PIP5K1A: variants seen among roughly 807,000 people sequenced by gnomAD.
The protein encoded by PIP5K1A is phosphatidylinositol-4-phosphate 5-kinase type 1 alpha.
A neutral mutation model predicts 72.9 loss-of-function variants in PIP5K1A; 46 were observed. That is an observed-to-expected ratio of 0.63 (90% CI 0.50 to 0.81). The LOEUF is 0.81. PIP5K1A is among the 30% of genes least tolerant of loss of function. The probability of loss-of-function intolerance (pLI) is 0.00; values close to 1 mark genes in which losing one functional copy is unlikely to be tolerated. For missense variants in PIP5K1A, 458 were observed against 706.1 expected (o/e 0.65, Z 3.98); for synonymous variants, 228 against 255.1 (o/e 0.89, Z 1.01).
intron 5 of PIP5K1A, 88 bp downstream of exon 5, chr1:151,231,889 AT>A: frequency 8.3e-7 from 1 of 1,201,654 alleles, no homozygotes; most frequent in South Asian, 1.3e-5. Flanking sequence ...AGGTCGGACA[AT>A]TTAGACATGT....
Position 151,239,968 on chromosome 1 carries a change from T to C in PIP5K1A, c.1292T>C (p.Val431Ala), listed in dbSNP as rs920118931. 1 of 1,612,382 alleles carries C rather than the reference T, an allele frequency of 6.2e-7. No homozygotes were observed. Among genetic ancestry groups the C allele is most frequent in the Non-Finnish European group, 8.5e-7 (1 of 1,178,660 alleles). ...ALVHDGDTVS[V>A]HRPGFYAERF... The stretch of plus-strand genomic sequence containing the variant: ...TCTGCTCTGCAGGACACTGTCTCAG[T>C]GCATCGCCCAGGCTTCTACGCTGAA... The change falls in exon 12 of 16, where the codon GTG (valine) becomes GCG (alanine). Residue 431 changes from valine (V) to alanine (A), a missense_variant. Val to Ala is a moderately conservative substitution (Grantham distance 64, BLOSUM62 0). Around this residue, in one of 3 missense-constraint regions of PIP5K1A, gnomAD observed 157 missense variants for 175.5 expected, o/e 0.89. Transcript: ENST00000368888.
chr1:151,202,328 C>T (rs368775535), intron 1 of PIP5K1A, among the ~76,000 whole-genome samples: 2 of 152,180 alleles, frequency 1.3e-5, no homozygotes, highest in Non-Finnish European at 2.9e-5. Context: ...GTGGTTGACA[C>T]GCACACTTCT....
At chr1:151,235,657 C>T (rs1690745859) in intron 8 of PIP5K1A, among the ~76,000 whole-genome samples, 1 of 152,170 alleles carries the variant, frequency 6.6e-6, no homozygotes, top group Non-Finnish European at 1.5e-5. Context: ...TTTACCAGAA[C>T]CTCATTGTGG....
At chr1:151,196,980 C>A (rs1684608801), upstream of PIP5K1A, among the ~76,000 whole-genome samples, 1 of 151,594 alleles carries the variant, frequency 6.6e-6, no homozygotes, top group Admixed American at 6.6e-5. Context: ...CCTGCCTCAG[C>A]CTCCCGAGTA....
intron 10 of PIP5K1A, among the ~76,000 whole-genome samples, 153 bp from the exon 11 acceptor site, chr1:151,238,977 G>A (rs1691268569): frequency 6.6e-6 from 1 of 152,192 alleles, no homozygotes; most frequent in Non-Finnish European, 1.5e-5. Context: ...TGCCATGCCT[G>A]TTCTTGGGAA....
At chr1:151,247,773 G>A in intron 15 of PIP5K1A, 90 bp from the exon 16 acceptor site, 1 of 1,112,000 alleles carries the variant, frequency 9.0e-7, no homozygotes, top group Non-Finnish European at 1.3e-6. Flanking sequence ...CTTGGAGGCT[G>A]AGGCTGAAAT....
At chr1:151,244,905 A>T (rs1289538495) in intron 14 of PIP5K1A, among the ~76,000 whole-genome samples, 1 of 149,474 alleles carries the variant, frequency 6.7e-6, no homozygotes, top group African/African-American at 2.5e-5. Flanking sequence ...TTTTCTTGGC[A>T]GTGCTCTGGA....
In PIP5K1A at chr1:151,198,928, TC is replaced by T; in HGVS notation, c.-68del. ...TTCTGTAAAGAGACGTTGGGAAGAT[TC>T]GATTCCGAGAAGAGGAAGAACCGGA... is the stretch of plus-strand genomic sequence containing the variant. On this transcript the variant is annotated 5_prime_UTR_variant, in exon 1 of 16. Transcript: ENST00000368888. The T allele has an allele frequency of 6.9e-7, 1 of 1,456,778 alleles. No individual in the cohort carries two copies. The highest frequency in any genetic ancestry group is 9.6e-7 in the Non-Finnish European group (1 of 1,041,460). 90.2% of individuals were successfully genotyped at this position (1,456,778 alleles called of 1,614,324 possible). A position where few individuals can be genotyped will look rare whatever the true frequency, so the allele number is the denominator to read the frequency against.
chr1:151,219,557 T>C (rs1268610636), intron 1 of PIP5K1A, among the ~76,000 whole-genome samples: 2 of 144,356 alleles, frequency 1.4e-5, no homozygotes, highest in Admixed American at 6.9e-5. Flanking sequence ...AGCTGGGTGT[T>C]GTGGTGCGTG....
rs1692807307 is a variant in PIP5K1A, at chr1:151,248,567, C to A, written c.*702C>A. 6.6e-6 allele frequency: 1 copy of A among 152,550 alleles called. No individual in the cohort carries two copies. The highest frequency in any genetic ancestry group is 2.1e-4 in the South Asian group (1 of 4,826). The allele number at this position is 152,550 out of a possible 1,614,324, so 9.4% of individuals were successfully genotyped here. On this transcript the variant is annotated 3_prime_UTR_variant, in exon 16 of 16. Coordinates refer to ENST00000368888, the MANE Select transcript of PIP5K1A (RefSeq NM_001135638.2). The stretch of plus-strand genomic sequence containing the variant: ...CTGCCAGAAGCAGCTCCTCTTTAAA[C>A]TCCTCCTCTCTTGATGAATTTCTTA...
At chr1:151,225,618 C>A (rs587759519) in intron 3 of PIP5K1A, among the ~76,000 whole-genome samples, 3 of 151,544 alleles carry the variant, frequency 2.0e-5, no homozygotes, top group Non-Finnish European at 2.9e-5. Context: ...TACAGGTGCA[C>A]GCCACCATGC....
In PIP5K1A at chr1:151,231,813, A is replaced by G. The variant is rs1172147996; in HGVS notation, c.368+12A>G. ...ATCTTCTTTCCCAGGTACAGAGTTTAATGTTCAGGAGCATGTCCTGGAAAT... is the reference window on the plus strand; with the variant it reads ...ATCTTCTTTCCCAGGTACAGAGTTTGATGTTCAGGAGCATGTCCTGGAAAT... On this transcript the variant is annotated intron_variant, in intron 5 of 15. Transcript: ENST00000368888. 4.3e-6 allele frequency: 7 copies of G among 1,613,644 alleles called. No individual in the cohort carries two copies. The highest frequency in any genetic ancestry group is 5.9e-6 in the Non-Finnish European group (7 of 1,179,626).
intron 1 of PIP5K1A, among the ~76,000 whole-genome samples, chr1:151,221,759 T>C (rs985835660): frequency 1.3e-5 from 2 of 152,222 alleles, no homozygotes; most frequent in African/African-American, 4.8e-5. Flanking sequence ...TAGGGATGAA[T>C]CTCATTCTCT....
At chr1:151,202,000 T>C (rs1196567555) in intron 1 of PIP5K1A, among the ~76,000 whole-genome samples, 1 of 152,254 alleles carries the variant, frequency 6.6e-6, no homozygotes, top group African/African-American at 2.4e-5. Flanking sequence ...TTAGAGCTTA[T>C]GGTTTGCTTT....
chr1:151,231,456 CTG>C lies in PIP5K1A; in HGVS notation c.238-213_238-212del. On this transcript the variant is annotated intron_variant, in intron 4 of 15. Coordinates refer to ENST00000368888, the MANE Select transcript of PIP5K1A (RefSeq NM_001135638.2). ...CTCAGAGAGTCCCAGCTTTGCTACTCTGTATCCTCACTGTCCTTCCAATCTTT... is the reference window on the plus strand; with the variant it reads ...CTCAGAGAGTCCCAGCTTTGCTACTCTATCCTCACTGTCCTTCCAATCTTT... Among the ~76,000 whole-genome samples, 4 of 152,248 alleles carry C rather than the reference CTG, an allele frequency of 2.6e-5. No homozygotes were observed. The East Asian group carries it at 7.7e-4, about 29-fold the overall frequency.
rs192629983 is a variant in PIP5K1A at position 151,219,455 on chromosome 1, G to A, written c.86-4790G>A. On this transcript the variant is annotated intron_variant, in intron 1 of 15. Transcript: ENST00000368888. The stretch of plus-strand genomic sequence containing the variant: ...TAATCCCAGCACTTTGGGAGGCTGA[G>A]GCGGGCGGGTCATCTGCAGTCAGGA... 5.7e-3 allele frequency among the ~76,000 whole-genome samples: 870 copies of A among 151,990 alleles called. 9 individuals are homozygous for A. Among genetic ancestry groups the A allele is most frequent in the African/African-American group, 0.02 (813 of 41,454 alleles).
At chr1:151,237,148 G>A (rs983193958) in intron 9 of PIP5K1A, among the ~76,000 whole-genome samples, 1 of 152,046 alleles carries the variant, frequency 6.6e-6, no homozygotes, top group Non-Finnish European at 1.5e-5. Context: ...TTTTCTTTAG[G>A]AAGGGACCCA....
chr1:151,198,885 T>G lies in PIP5K1A; in HGVS notation c.-112T>G, dbSNP rs1572108839. On this transcript the variant is annotated 5_prime_UTR_variant, in exon 1 of 16. Coordinates refer to ENST00000368888, the MANE Select transcript of PIP5K1A (RefSeq NM_001135638.2). ...GGAGGCCCCGGAGGGGGCGGGGAGG[T>G]GGCCCACAGAACGCGGGTTCTGTAA... The G allele has an allele frequency of 2.0e-6, 2 of 1,022,250 alleles. No individual in the cohort carries two copies. Among genetic ancestry groups the G allele is most frequent in the Non-Finnish European group, 3.0e-6 (2 of 670,710 alleles). 63.3% of individuals were successfully genotyped at this position (1,022,250 alleles called of 1,614,324 possible). A position where few individuals can be genotyped will look rare whatever the true frequency, so the allele number is the denominator to read the frequency against.
intron 1 of PIP5K1A, among the ~76,000 whole-genome samples, chr1:151,204,670 A>G (rs1685687929): frequency 6.6e-6 from 1 of 152,230 alleles, no homozygotes; most frequent in African/African-American, 2.4e-5. Context: ...TTGATATTTT[A>G]TAAATAGGGA....
Sources: gnomAD v4.1 joint callset for allele counts (sites outside exome capture counted in the v4.1 genomes callset) on GRCh38, gnomAD v4.1.1 for gene constraint, gnomAD v4.1.1 regional missense constraint, MANE v1.5 for transcripts, NCBI Gene and HGNC (gene_info 2026-07-23, HGNC 2026-07-21) for gene names.